Variants in CEP295 observed in about 807,000 individuals in gnomAD.
CEP295 encodes centrosomal protein 295.
In CEP295, 190 loss-of-function variants were observed where a neutral mutation model predicts 291.6. That is an observed-to-expected ratio of 0.65 (90% CI 0.58 to 0.73). The LOEUF (loss-of-function observed/expected upper bound fraction) is 0.73, where lower values mean the gene tolerates loss of function less well. CEP295 is among the 30% of genes least tolerant of loss of function. The pLI, the probability that CEP295 is intolerant of heterozygous loss-of-function variation, is 0.00. For missense variants in CEP295, 2,863 were observed against 2,949.4 expected (o/e 0.97, Z 0.68); for synonymous variants, 993 against 1,038.8 (o/e 0.96, Z 0.85).
intron 6 of CEP295, among the ~76,000 whole-genome samples, chr11:93,676,112 A>T (rs1218399389): frequency 6.6e-6 from 1 of 152,044 alleles, no homozygotes; most frequent in Non-Finnish European, 1.5e-5. Flanking sequence ...ATTTCATGGT[A>T]GCATTTATTT....
chr11:93,697,194 A>G lies in CEP295; in HGVS notation c.2282A>G (p.Gln761Arg), dbSNP rs781029264. 6.4e-7 allele frequency: 1 copy of G among 1,551,878 alleles called. No individual in the cohort carries two copies. Among genetic ancestry groups the G allele is most frequent in the Non-Finnish European group, 8.7e-7 (1 of 1,147,038 alleles). The change falls in exon 15 of 30, where the codon CAA becomes CGA. Residue 761 changes from glutamine to arginine, a missense_variant. Gln to Arg is a conservative substitution (Grantham distance 43). Coordinates refer to ENST00000325212, the MANE Select transcript of CEP295 (RefSeq NM_033395.2). ...ISETFGATTF[Q>R]SLESQQLFSE... ...GAAACATTTGGGGCAACAACTTTTC[A>G]AAGTTTAGAATCCCAACAATTGTTC...
In CEP295 at chr11:93,702,550, AATG is replaced by A; in HGVS notation, c.5368_5370del (p.Asp1790del). Reference sequence around the variant, plus strand: ...TCCTAATACACAAGACCTAGCAGGAAATGATCAAGAAAATATTAGGCATGCAGA... The same window carrying A: ...TCCTAATACACAAGACCTAGCAGGAAATCAAGAAAATATTAGGCATGCAGA... On this transcript the variant is annotated inframe_deletion, in exon 16 of 30. Transcript: ENST00000325212. 1 of 1,551,396 alleles carries A rather than the reference AATG, an allele frequency of 6.4e-7. No homozygotes were observed. The highest frequency in any genetic ancestry group is 8.7e-7 in the Non-Finnish European group (1 of 1,146,840).
intron 17 of CEP295, among the ~76,000 whole-genome samples, chr11:93,705,403 A>C (rs1043099685): frequency 3.3e-5 from 5 of 152,196 alleles, no homozygotes; most frequent in African/African-American, 1.2e-4. Context: ...AGGGATGATA[A>C]AAATAAGGTT....
In CEP295 at chr11:93,667,598, A is replaced by G; in HGVS notation, c.109-9A>G. The stretch of plus-strand genomic sequence containing the variant: ...CTTTCATATAACCTGTTAAATATGC[A>G]TTCTTTAGGTTCGAGAACAAGAAAG... On this transcript the variant is annotated splice_polypyrimidine_tract_variant and intron_variant, in intron 2 of 29. Transcript: ENST00000325212. The G allele has an allele frequency of 2.0e-6, 3 of 1,529,194 alleles. No homozygotes were observed. The highest frequency in any genetic ancestry group is 2.6e-6 in the Non-Finnish European group (3 of 1,138,790). 94.7% of individuals were successfully genotyped at this position (1,529,194 alleles called of 1,614,324 possible).
In CEP295 at chr11:93,727,594, C is replaced by G. The variant is rs1319458977; in HGVS notation, c.7118C>G (p.Ala2373Gly). 5 of 1,550,558 alleles carry G rather than the reference C, an allele frequency of 3.2e-6. No individual in the cohort carries two copies. The Admixed American group carries it at 9.9e-5, about 31-fold the overall frequency. ...CAACTAGGAGAATCAGAGCTTTTTG[C>G]AAGTTCTGGATCATTTTCATTACAG... ...LSQLGESELFASSGSFSLQSS... is the reference protein window; with the variant it reads ...LSQLGESELFGSSGSFSLQSS... Residue 2373 changes from alanine to glycine, a missense_variant, in exon 24 of 30, where the codon GCA becomes GGA. Around this residue, in one of 3 missense-constraint regions of CEP295, gnomAD observed 2,295 missense variants for 2,335.7 expected, o/e 0.98. Coordinates refer to ENST00000325212, the MANE Select transcript of CEP295 (RefSeq NM_033395.2).
chr11:93,673,744 T>A (rs974945850), intron 5 of CEP295, among the ~76,000 whole-genome samples: 1 of 152,006 alleles, frequency 6.6e-6, no homozygotes, highest in African/African-American at 2.4e-5. Context: ...CTGCCTGCCT[T>A]GGCCTCCCAA....
Position 93,724,174 on chromosome 11 carries a change from C to T in CEP295, c.6197-80C>T, listed in dbSNP as rs1406288787. On this transcript the variant is annotated intron_variant, in intron 21 of 29. Transcript: ENST00000325212. Reference sequence around the variant, plus strand: ...CGTTTATGAATATGTTCTTAATACTCCTTTTCTAGTGTTTACCTTAAAAAT... The same window carrying T: ...CGTTTATGAATATGTTCTTAATACTTCTTTTCTAGTGTTTACCTTAAAAAT... 51 of 1,288,246 alleles carry T rather than the reference C, an allele frequency of 4.0e-5. No homozygotes were observed. The South Asian group carries it at 5.5e-4, about 14-fold the overall frequency. The allele number at this position is 1,288,246 out of a possible 1,614,324, so 79.8% of individuals were successfully genotyped here.
rs369963505 is a variant in CEP295, at chr11:93,696,825, C to T, written c.1913C>T (p.Pro638Leu). ...ISVPSWKSER[P>L]TAISEHWDQG... ...GTGCCATCATGGAAATCTGAGAGACCGACTGCTATATCAGAGCATTGGGAT... is the reference window on the plus strand; with the variant it reads ...GTGCCATCATGGAAATCTGAGAGACTGACTGCTATATCAGAGCATTGGGAT... Residue 638 changes from proline to leucine, a missense_variant, in exon 15 of 30, where the codon CCG becomes CTG. Pro to Leu is a moderately conservative substitution (Grantham distance 98). This residue lies in a region of CEP295 where 2,295 missense variants were observed against 2,335.7 expected (regional missense o/e 0.98). Transcript: ENST00000325212. 1.8e-4 allele frequency: 280 copies of T among 1,551,418 alleles called. No homozygotes were observed. The highest frequency in any genetic ancestry group is 1.2e-3 in the Middle Eastern group (7 of 6,014).
Position 93,667,819 on chromosome 11 carries a change from C to G in CEP295, c.309+12C>G. On this transcript the variant is annotated intron_variant, in intron 3 of 29. Transcript: ENST00000325212. ...AGGCCAAAGAAAATGTGAGTGAGAT[C>G]TTATTTGACTACCCTGTTGTGGCAG... The G allele has an allele frequency of 1.3e-6, 2 of 1,511,700 alleles. No homozygotes were observed. Among genetic ancestry groups the G allele is most frequent in the Non-Finnish European group, 1.8e-6 (2 of 1,115,728 alleles). The allele number at this position is 1,511,700 out of a possible 1,614,324, so 93.6% of individuals were successfully genotyped here. A position where few individuals can be genotyped will look rare whatever the true frequency, so the allele number is the denominator to read the frequency against.
At chr11:93,712,209 C>CTT (rs201288561) in intron 18 of CEP295, among the ~76,000 whole-genome samples, 1 of 147,692 alleles carries the variant, frequency 6.8e-6, no homozygotes, top group East Asian at 2.0e-4. Context: ...TAATGACCTG[C>CTT]TTTTTTTTTT....
At chr11:93,684,593 A>G (rs1333505877) in intron 9 of CEP295, among the ~76,000 whole-genome samples, 1 of 152,202 alleles carries the variant, frequency 6.6e-6, no homozygotes, top group African/African-American at 2.4e-5. Flanking sequence ...ACAGAGGATC[A>G]AGGTGTCAAG....
Position 93,699,930 on chromosome 11 carries a change from C to T in CEP295, c.5018C>T (p.Ser1673Leu). ...AKPKSTCELY[S>L]SQNEHAAPPS... is the part of the protein sequence containing the mutation. ...CCTAAAAGCACTTGTGAATTGTATT[C>T]ATCCCAGAATGAACATGCAGCCCCC... Residue 1673 changes from serine to leucine, a missense_variant, in exon 15 of 30, where the codon TCA becomes TTA. Ser to Leu is a moderately radical substitution (Grantham distance 145). This residue lies in a region of CEP295 where 2,295 missense variants were observed against 2,335.7 expected (regional missense o/e 0.98). Coordinates refer to ENST00000325212, the MANE Select transcript of CEP295 (RefSeq NM_033395.2). The T allele has an allele frequency of 6.4e-7, 1 of 1,551,770 alleles. No individual in the cohort carries two copies. Among genetic ancestry groups the T allele is most frequent in the South Asian group, 1.2e-5 (1 of 84,060 alleles).
At chr11:93,694,628 A>G (rs1432441674) in intron 12 of CEP295, among the ~76,000 whole-genome samples, 1 of 152,226 alleles carries the variant, frequency 6.6e-6, no homozygotes, top group African/African-American at 2.4e-5. Flanking sequence ...TTTTGTAACC[A>G]AGATGGCTAC....
intron 18 of CEP295, among the ~76,000 whole-genome samples, chr11:93,709,193 T>G (rs1471622654): frequency 1.3e-5 from 2 of 152,216 alleles, no homozygotes; most frequent in African/African-American, 4.8e-5. Context: ...CCTGTGCTTG[T>G]GGGGTATTGC....
At chr11:93,667,210 T>C (rs1950237576) in intron 2 of CEP295, among the ~76,000 whole-genome samples, 1 of 152,192 alleles carries the variant, frequency 6.6e-6, no homozygotes, top group South Asian at 2.1e-4. Flanking sequence ...TTGTGAAGTA[T>C]GTTTCAGGCA....
At chr11:93,675,211 G>A (rs544122076) in intron 5 of CEP295, among the ~76,000 whole-genome samples, 18 of 152,248 alleles carry the variant, frequency 1.2e-4, no homozygotes, top group Non-Finnish European at 2.2e-4. Context: ...AGTAGTGCAT[G>A]TTGTTGTCTT....
intron 10 of CEP295, among the ~76,000 whole-genome samples, chr11:93,689,545 A>C (rs555098040): frequency 6.6e-6 from 1 of 152,206 alleles, no homozygotes; most frequent in Admixed American, 6.6e-5. Context: ...TTACTCAACT[A>C]TCCCTTTCTC....
chr11:93,663,835 C>T (rs112855790), intron 1 of CEP295, among the ~76,000 whole-genome samples: 7 of 151,984 alleles, frequency 4.6e-5, no homozygotes, highest in African/African-American at 1.4e-4. Context: ...GATTTTTTTC[C>T]TCTTAAAGTA....
chr11:93,691,149 G>A (rs1197368842), intron 10 of CEP295, among the ~76,000 whole-genome samples: 1 of 152,130 alleles, frequency 6.6e-6, no homozygotes, highest in Non-Finnish European at 1.5e-5. Flanking sequence ...CCTCCTTGAG[G>A]CATTTTCTCA....
Sources: allele counts gnomAD v4.1 joint callset (sites outside exome capture counted in the v4.1 genomes callset), GRCh38; gene constraint gnomAD v4.1.1; regional missense constraint gnomAD v4.1.1; transcripts MANE v1.5; gene names NCBI Gene and HGNC (gene_info 2026-07-23, HGNC 2026-07-21).